Variants in CRISPLD2 observed in about 807,000 individuals in gnomAD.
CRISPLD2 encodes the protein cysteine-rich secretory protein LCCL domain-containing 2.
CRISPLD2 carries 47 observed loss-of-function variants against 71.1 expected under a neutral mutation model. The ratio of observed to expected loss-of-function variants is 0.66; its 90% CI spans 0.52 to 0.84. The LOEUF (loss-of-function observed/expected upper bound fraction) is 0.84. Among genes scored for constraint, CRISPLD2 ranks in the 40% least tolerant of loss-of-function variants. The pLI is 0.00. For missense variants in CRISPLD2, 830 were observed against 651.1 expected, an observed-to-expected ratio of 1.27 and a Z score of -2.99; for synonymous variants, 317 against 250.1, an observed-to-expected ratio of 1.27 and a Z score of -2.52.
At chr16:84,882,720 A>G (rs1332796945) in intron 13 of CRISPLD2, among the ~76,000 whole-genome samples, 1 of 152,164 alleles carries the variant, frequency 6.6e-6, no homozygotes, top group South Asian at 2.1e-4. Context: ...GCTACCTTTT[A>G]TTCAACACAT....
chr16:84,895,859 G>A lies in CRISPLD2; in HGVS notation c.1439+6496G>A, dbSNP rs140941143. ...GAGAGGCTCATGGACTTTTTACAGT[G>A]TCCCTAAGGAGTGGGCACTTTGAGG... On this transcript the variant is annotated intron_variant, in intron 14 of 14. Transcript: ENST00000262424. Among the ~76,000 whole-genome samples, 85 of 152,222 alleles carry A rather than the reference G, an allele frequency of 5.6e-4. 1 individual carries two copies. The highest frequency in any genetic ancestry group is 3.4e-3 in the Middle Eastern group (1 of 294).
chr16:84,849,541 C>G (rs1917022134), intron 4 of CRISPLD2, 24 bp downstream of exon 4: 28 of 1,609,576 alleles, frequency 1.7e-5, no homozygotes, highest in Non-Finnish European at 2.4e-5. Flanking sequence ...TTGCCACGAC[C>G]TCAGCCCTGC....
Position 84,868,844 on chromosome 16 carries a change from C to G in CRISPLD2, c.854-7C>G, listed in dbSNP as rs371310544. The G allele has an allele frequency of 3.1e-6, 5 of 1,611,814 alleles. No homozygotes were observed. Among genetic ancestry groups the G allele is most frequent in the African/African-American group, 2.7e-5 (2 of 74,848 alleles). ...CCGTGACATGTATTCCCGCATTTCT[C>G]TCCTAGCCCAAGTCGTCAGATGTGA... On this transcript the variant is annotated splice_polypyrimidine_tract_variant and splice_region_variant and intron_variant, in intron 7 of 14. Transcript: ENST00000262424.
At chr16:84,892,646 G>A (rs13338116) in intron 14 of CRISPLD2, among the ~76,000 whole-genome samples, 2,336 of 152,210 alleles carry the variant, frequency 0.015, 19 homozygotes, top group South Asian at 0.038. Context: ...GCATCTTCAA[G>A]ATTTTATACC....
intron 1 of CRISPLD2, among the ~76,000 whole-genome samples, chr16:84,826,075 T>A (rs1042850870): frequency 1.3e-5 from 2 of 152,146 alleles, no homozygotes; most frequent in Non-Finnish European, 2.9e-5. Context: ...CAGTCTGTTG[T>A]AACAAAGCAT....
intron 11 of CRISPLD2, among the ~76,000 whole-genome samples, chr16:84,874,167 G>T (rs1307180537): frequency 2.0e-5 from 3 of 152,188 alleles, no homozygotes; most frequent in Non-Finnish European, 4.4e-5. Context: ...TGAGATCACT[G>T]AACCAGAAAC....
At chr16:84,869,964 G>A (rs1435466753) in intron 8 of CRISPLD2, among the ~76,000 whole-genome samples, 1 of 152,236 alleles carries the variant, frequency 6.6e-6, no homozygotes, top group Non-Finnish European at 1.5e-5. Flanking sequence ...GCAGGGAGAA[G>A]GCAAGAATCT....
rs532992224 is a variant in CRISPLD2, at chr16:84,906,385, T to C, written c.1440-203T>C. Among the ~76,000 whole-genome samples the C allele has an allele frequency of 2.6e-5, 4 of 152,258 alleles. No individual in the cohort carries two copies. In the East Asian group the frequency reaches 7.7e-4, roughly 29 times the overall value. On this transcript the variant is annotated intron_variant, in intron 14 of 14. Transcript: ENST00000262424. ...TGACCTAGAATCAGATGGATGCTCA[T>C]GTGCAGAGAAAATGGGATTTGCCAC...
chr16:84,837,548 C>T (rs1441347219), intron 1 of CRISPLD2, among the ~76,000 whole-genome samples: 1 of 152,042 alleles, frequency 6.6e-6, no homozygotes, highest in Non-Finnish European at 1.5e-5. Context: ...TCCCAAGTAG[C>T]TGGGACTACA....
chr16:84,826,055 G>A (rs927175315), intron 1 of CRISPLD2, among the ~76,000 whole-genome samples: 2 of 152,218 alleles, frequency 1.3e-5, no homozygotes, highest in African/African-American at 4.8e-5. Flanking sequence ...AAGCTGTGGG[G>A]TGGGGCTGGC....
Position 84,850,629 on chromosome 16 carries a change from T to A in CRISPLD2, c.554T>A (p.Val185Asp). ...CAVNTCRKMT[V>D]WGEVWENAVY... is the part of the protein sequence containing the mutation. ...GTGAACACCTGCCGGAAGATGACTG[T>A]CTGGGGAGAAGTTTGGGAGAACGCG... The change falls in exon 5 of 15, where the codon GTC (valine) becomes GAC (aspartate). Residue 185 changes from valine (V) to aspartate (D), a missense_variant. Val to Asp is a radical substitution (Grantham distance 152, BLOSUM62 -3). Coordinates refer to ENST00000262424, the MANE Select transcript of CRISPLD2 (RefSeq NM_031476.4). 4 of 1,614,144 alleles carry A rather than the reference T, an allele frequency of 2.5e-6. No homozygotes were observed. Among genetic ancestry groups the A allele is most frequent in the Non-Finnish European group, 3.4e-6 (4 of 1,180,036 alleles).
chr16:84,824,515 TC>T (rs888719619), intron 1 of CRISPLD2, among the ~76,000 whole-genome samples: 84 of 152,312 alleles, frequency 5.5e-4, no homozygotes, highest in African/African-American at 1.9e-3. Flanking sequence ...TCTCTGTTCT[TC>T]CGGTCCTTCT....
rs918919880 is a variant in CRISPLD2 at position 84,906,788 on chromosome 16, T to A, written c.*146T>A. 1.1e-6 allele frequency: 1 copy of A among 913,634 alleles called. No individual in the cohort carries two copies. The highest frequency in any genetic ancestry group is 1.6e-5 in the African/African-American group (1 of 61,164). The allele number at this position is 913,634 out of a possible 1,614,324, so 56.6% of individuals were successfully genotyped here. The stretch of plus-strand genomic sequence containing the variant: ...TGTCCATCACTTTGTGGCCTGTGGG[T>A]GAGGTGACATCTCATCCCCTCACTG... On this transcript the variant is annotated 3_prime_UTR_variant, in exon 15 of 15. Transcript: ENST00000262424.
At chr16:84,893,757 C>G (rs575333350) in intron 14 of CRISPLD2, among the ~76,000 whole-genome samples, 64 of 152,336 alleles carry the variant, frequency 4.2e-4, no homozygotes, top group Admixed American at 9.1e-4. Context: ...CATGCCCTGT[C>G]CTTTCCTTAT....
At chr16:84,870,260 T>C (rs1409766447) in intron 8 of CRISPLD2, among the ~76,000 whole-genome samples, 3 of 133,532 alleles carry the variant, frequency 2.2e-5, no homozygotes, top group African/African-American at 8.9e-5. Flanking sequence ...AGCAATTTGA[T>C]GTATTTCCTT....
intron 5 of CRISPLD2, 119 bp downstream of exon 5, chr16:84,850,802 T>C: frequency 1.3e-6 from 1 of 752,062 alleles, no homozygotes. Flanking sequence ...TAACAAAGAA[T>C]CTAGAGTTTA....
At chr16:84,846,709 G>A (rs938978228) in intron 3 of CRISPLD2, among the ~76,000 whole-genome samples, 3 of 152,158 alleles carry the variant, frequency 2.0e-5, no homozygotes, top group Admixed American at 1.3e-4. Flanking sequence ...GATGCCCATT[G>A]CCTTCCCCGC....
chr16:84,866,918 C>T lies in CRISPLD2; in HGVS notation c.731C>T (p.Pro244Leu). The T allele has an allele frequency of 1.2e-6, 2 of 1,614,114 alleles. No homozygotes were observed. Among genetic ancestry groups the T allele is most frequent in the Non-Finnish European group, 1.7e-6 (2 of 1,180,012 alleles). Residue 244 changes from proline to leucine, a missense_variant, in exon 7 of 15, where the codon CCT becomes CTT. Pro to Leu is a moderately conservative substitution (Grantham distance 98). Coordinates refer to ENST00000262424, the MANE Select transcript of CRISPLD2 (RefSeq NM_031476.4). The part of the protein sequence containing the change: ...CYREETYTPK[P>L]ETDEMNEVET... Reference sequence around the variant, plus strand: ...TAAGAAGAAACCTACACTCCAAAACCTGAAACGGACGAGATGAATGAGGTG... The same window carrying T: ...TAAGAAGAAACCTACACTCCAAAACTTGAAACGGACGAGATGAATGAGGTG...
chr16:84,880,593 GATGC>G lies in CRISPLD2; in HGVS notation c.1305+12_1305+15del. 1 of 1,611,466 alleles carries G rather than the reference GATGC, an allele frequency of 6.2e-7. No individual in the cohort carries two copies. The highest frequency in any genetic ancestry group is 8.5e-7 in the Non-Finnish European group (1 of 1,177,932). ...CCAACATCTATGCAGATGTGAGTAG[GATGC>G]ATTTTCAACAACTATCTCGCAAAGC... On this transcript the variant is annotated intron_variant, in intron 13 of 14. Transcript: ENST00000262424.
Sources: allele counts gnomAD v4.1 joint callset (sites outside exome capture counted in the v4.1 genomes callset), GRCh38; gene constraint gnomAD v4.1.1; transcripts MANE v1.5; gene names NCBI Gene and HGNC (gene_info 2026-07-23, HGNC 2026-07-21).